LRSAM1: variants seen among roughly 807,000 people sequenced by gnomAD.
The protein encoded by LRSAM1 is E3 ubiquitin-protein ligase LRSAM1.
Under a neutral mutation model 118.1 loss-of-function variants are expected in LRSAM1, and 96 were observed. That is an observed-to-expected ratio of 0.81 (90% CI 0.69 to 0.96). The LOEUF is 0.96. Among genes scored for constraint, LRSAM1 ranks in the 40% least tolerant of loss-of-function variants. LRSAM1 has a pLI of 0.00. For synonymous variants in LRSAM1, 322 were observed against 364.2 expected (o/e 0.88, Z 1.32); for missense variants, 804 against 915.5 (o/e 0.88, Z 1.57).
chr9:127,499,046 A>G (rs1564284956), intron 24 of LRSAM1, among the ~76,000 whole-genome samples: 1 of 136,452 alleles, frequency 7.3e-6, no homozygotes, highest in African/African-American at 2.7e-5. Flanking sequence ...GACAAGTGAA[A>G]CTCTGTCTCA....
Position 127,461,315 on chromosome 9 carries a change from C to T in LRSAM1, c.406+58C>T, listed in dbSNP as rs958071912. 5.4e-5 allele frequency: 83 copies of T among 1,527,350 alleles called. 1 individual carries two copies. The highest frequency in any genetic ancestry group is 2.9e-4 in the South Asian group (26 of 89,260). The allele number at this position is 1,527,350 out of a possible 1,614,324, so 94.6% of individuals were successfully genotyped here. A position where few individuals can be genotyped will look rare whatever the true frequency, so the allele number is the denominator to read the frequency against. On this transcript the variant is annotated intron_variant, in intron 8 of 25. Coordinates refer to ENST00000300417, the MANE Select transcript of LRSAM1 (RefSeq NM_001005373.4). ...TCCATCAGCTCTGGGCCATCCTGGC[C>T]GGGATCCACAGGCTGCCCCGCCCGG...
Position 127,502,867 on chromosome 9 carries a change from G to A in LRSAM1, c.2140G>A (p.Ala714Thr), listed in dbSNP as rs527668507. 163 of 1,609,322 alleles carry A rather than the reference G, an allele frequency of 1.0e-4. No homozygotes were observed. The South Asian group carries it at 1.5e-3, about 14-fold the overall frequency. ...RTCPLCRQDI[A>T]QRLRIYHSS The stretch of plus-strand genomic sequence containing the variant: ...CTGCCCGCTGTGCCGCCAGGACATC[G>A]CCCAGCGCCTCCGCATCTACCACAG... The change falls in exon 26 of 26, where the codon GCC (alanine) becomes ACC (threonine). Residue 714 changes from alanine (A) to threonine (T), a missense_variant. Ala to Thr is a moderately conservative substitution (Grantham distance 58). Coordinates refer to ENST00000300417, the MANE Select transcript of LRSAM1 (RefSeq NM_001005373.4).
At chr9:127,479,784 C>T in intron 13 of LRSAM1, 55 bp from the exon 14 acceptor site, 2 of 1,596,634 alleles carry the variant, frequency 1.3e-6, no homozygotes, top group East Asian at 2.2e-5. Context: ...AGTCAGTACC[C>T]CTCACGGCGT....
chr9:127,454,409 G>A, intron 2 of LRSAM1, 87 bp from the exon 3 acceptor site: 3 of 976,982 alleles, frequency 3.1e-6, no homozygotes, highest in South Asian at 1.4e-5. Context: ...CAGACCAGCT[G>A]CATGCTCTGT....
In LRSAM1 at chr9:127,501,175, C is replaced by T. The variant is rs7019372; in HGVS notation, c.2046+32C>T. 3.7e-3 allele frequency: 5,968 copies of T among 1,608,446 alleles called. 203 individuals carry two copies. The African/African-American group carries it at 0.07, about 19-fold the overall frequency. Reference sequence around the variant, plus strand: ...CCGGGGCCCTCCCCACCCGCCTGCCCTGCCTGTGGCCACCCTCCTCAAATT... The same window carrying T: ...CCGGGGCCCTCCCCACCCGCCTGCCTTGCCTGTGGCCACCCTCCTCAAATT... On this transcript the variant is annotated intron_variant, in intron 25 of 25. Coordinates refer to ENST00000300417, the MANE Select transcript of LRSAM1 (RefSeq NM_001005373.4).
At position 127,479,791 on chromosome 9, in the gene LRSAM1, G is replaced by A. The variant is rs143901401; in HGVS notation, c.904-48G>A. On this transcript the variant is annotated intron_variant, in intron 13 of 25. Transcript: ENST00000300417. ...CTAACCCCAGTCAGTACCCCTCACG[G>A]CGTCTGAGGGGGTCCCAGGGGCTCA... is the stretch of plus-strand genomic sequence containing the variant. 1.4e-3 allele frequency: 2,192 copies of A among 1,599,928 alleles called. 30 individuals carry two copies. In the African/African-American group the frequency reaches 0.026, roughly 19 times the overall value.
Position 127,451,545 on chromosome 9 carries a change from G to T in LRSAM1, c.-313G>T, listed in dbSNP as rs796478456. ...GGCGCCTGAGGCTGACGGCTGGCAA[G>T]CAGGGCACCGCGGTGCGCTGAAGCT... On this transcript the variant is annotated 5_prime_UTR_variant, in exon 1 of 26. Transcript: ENST00000300417. 1.7e-6 allele frequency: 1 copy of T among 585,076 alleles called. No homozygotes were observed. Among genetic ancestry groups the T allele is most frequent in the Non-Finnish European group, 3.1e-6 (1 of 327,380 alleles). The allele number at this position is 585,076 out of a possible 1,614,324, so 36.2% of individuals were successfully genotyped here. A position where few individuals can be genotyped will look rare whatever the true frequency, so the allele number is the denominator to read the frequency against.
chr9:127,491,914 A>G (rs1835948536), intron 20 of LRSAM1, among the ~76,000 whole-genome samples: 1 of 152,208 alleles, frequency 6.6e-6, no homozygotes, highest in Non-Finnish European at 1.5e-5. Context: ...TCTGAACCTC[A>G]GCCTCTCCAG....
chr9:127,479,506 G>T lies in LRSAM1; in HGVS notation c.903+1G>T, dbSNP rs1272943113. 1.2e-6 allele frequency: 2 copies of T among 1,613,764 alleles called. No homozygotes were observed. The highest frequency in any genetic ancestry group is 1.7e-5 in the Admixed American group (1 of 60,008). On this transcript the variant is annotated splice_donor_variant, in intron 13 of 25. Transcript: ENST00000300417. LOFTEE classifies it high-confidence loss of function. The stretch of plus-strand genomic sequence containing the variant: ...TGAGATCCTTCAGACGGTCAAGGAG[G>T]TTTGTGAGCCGCCTGCTAGGGTCCA...
Position 127,459,566 on chromosome 9 carries a change from T to C in LRSAM1, c.321+495T>C, listed in dbSNP as rs551836569. 3.3e-5 allele frequency among the ~76,000 whole-genome samples: 5 copies of C among 151,802 alleles called. No homozygotes were observed. The South Asian group carries it at 6.2e-4, about 19-fold the overall frequency. ...ATAAATACCTTGGTGTAGGACTTTTTGTATGTGTATTTTTTTTTTCTCACT... is the reference window on the plus strand; with the variant it reads ...ATAAATACCTTGGTGTAGGACTTTTCGTATGTGTATTTTTTTTTTCTCACT... On this transcript the variant is annotated intron_variant, in intron 7 of 25. Transcript: ENST00000300417.
intron 20 of LRSAM1, 55 bp from the exon 21 acceptor site, chr9:127,492,747 G>C (rs1835977295): frequency 3.3e-6 from 5 of 1,535,516 alleles, no homozygotes; most frequent in Non-Finnish European, 4.5e-6. Flanking sequence ...TGCCACTGCG[G>C]GACTCCTGCG....
intron 6 of LRSAM1, among the ~76,000 whole-genome samples, chr9:127,458,672 C>T (rs1473028409): frequency 6.6e-6 from 1 of 152,152 alleles, no homozygotes; most frequent in Non-Finnish European, 1.5e-5. Flanking sequence ...CTGTGGAGTA[C>T]CACTGTCAAT....
At chr9:127,460,415 G>A (rs1564253667) in intron 7 of LRSAM1, among the ~76,000 whole-genome samples, 1 of 152,238 alleles carries the variant, frequency 6.6e-6, no homozygotes, top group Non-Finnish European at 1.5e-5. Flanking sequence ...TTCAGTCCCA[G>A]CACCACTGCC....
intron 8 of LRSAM1, 125 bp downstream of exon 8, chr9:127,461,382 G>A: frequency 2.6e-6 from 2 of 764,774 alleles, no homozygotes; most frequent in Non-Finnish European, 4.5e-6. Flanking sequence ...GGGGGTCGCT[G>A]TAAATGGACT....
Position 127,503,035 on chromosome 9 carries a change from GC to G in LRSAM1, c.*141del. The G allele has an allele frequency of 8.4e-7, 1 of 1,193,790 alleles. No individual in the cohort carries two copies. The highest frequency in any genetic ancestry group is 1.2e-6 in the Non-Finnish European group (1 of 841,616). 73.9% of individuals were successfully genotyped at this position (1,193,790 alleles called of 1,614,324 possible). ...TGGGCCCCTTCCCCACTGCCCAGGA[GC>G]CCCCATCCTAAGCTCCAAGCATGTC... On this transcript the variant is annotated 3_prime_UTR_variant, in exon 26 of 26. Coordinates refer to ENST00000300417, the MANE Select transcript of LRSAM1 (RefSeq NM_001005373.4).
rs1224876832 is a variant in LRSAM1, at chr9:127,454,614, G to A, written c.72+15G>A. 6.2e-7 allele frequency: 1 copy of A among 1,612,726 alleles called. No homozygotes were observed. The highest frequency in any genetic ancestry group is 1.7e-5 in the Admixed American group (1 of 59,926). ...AGATGTGTTTGGTGAGGGAAAGTGG[G>A]TTTCCTCTAACTCTATCCCATCTCC... On this transcript the variant is annotated intron_variant, in intron 3 of 25. Transcript: ENST00000300417.
At chr9:127,467,881 T>A in intron 10 of LRSAM1, 51 bp downstream of exon 10, 1 of 1,519,068 alleles carries the variant, frequency 6.6e-7, no homozygotes, top group East Asian at 2.4e-5. Context: ...ATGACCCCCA[T>A]GGCCACCCTG....
rs138001044 is a variant in LRSAM1, at chr9:127,462,318, G to C, written c.473G>C (p.Ser158Thr). The C allele has an allele frequency of 1.9e-6, 3 of 1,614,030 alleles. No individual in the cohort carries two copies. Among genetic ancestry groups the C allele is most frequent in the Non-Finnish European group, 2.5e-6 (3 of 1,180,032 alleles). Reference sequence around the variant, plus strand: ...CGAAGCCTGCGTACCCTCAACATCAGTGGAAACGAGATCCAGAGATTGCCG... The same window carrying C: ...CGAAGCCTGCGTACCCTCAACATCACTGGAAACGAGATCCAGAGATTGCCG... The part of the protein sequence containing the change: ...ELRSLRTLNI[S>T]GNEIQRLPQM... The change falls in exon 9 of 26, where the codon AGT becomes ACT. Residue 158 changes from serine to threonine, a missense_variant. Transcript: ENST00000300417.
At chr9:127,469,315 CA>C (rs1487129270) in intron 10 of LRSAM1, among the ~76,000 whole-genome samples, 1 of 151,830 alleles carries the variant, frequency 6.6e-6, no homozygotes, top group Non-Finnish European at 1.5e-5. Flanking sequence ...ACTAAAAATA[CA>C]AAAACTAACT....
Sources: allele counts gnomAD v4.1 joint callset (sites outside exome capture counted in the v4.1 genomes callset), GRCh38; gene constraint gnomAD v4.1.1; transcripts MANE v1.5; gene names NCBI Gene and HGNC (gene_info 2026-07-23, HGNC 2026-07-21).